Variants in NECTIN3 observed in about 807,000 individuals in gnomAD.
The protein encoded by NECTIN3 is nectin-3.
Under a neutral mutation model 49.4 loss-of-function variants are expected in NECTIN3, and 8 were observed. That is an observed-to-expected ratio of 0.16 (90% CI 0.10 to 0.29). The LOEUF (loss-of-function observed/expected upper bound fraction) is 0.29, where lower values mean the gene tolerates loss of function less well. Ranked by LOEUF, NECTIN3 falls within the 10% of genes least tolerant of loss-of-function variation. The probability of loss-of-function intolerance (pLI) is 1.00; values close to 1 mark genes in which losing one functional copy is unlikely to be tolerated. For missense variants in NECTIN3, 581 were observed against 654.6 expected, an observed-to-expected ratio of 0.89 and a Z score of 1.23; for synonymous variants, 277 against 241.1, an observed-to-expected ratio of 1.15 and a Z score of -1.38.
chr3:111,075,989 T>C (rs1316028890), intron 1 of NECTIN3, among the ~76,000 whole-genome samples: 1 of 152,074 alleles, frequency 6.6e-6, no homozygotes, highest in East Asian at 1.9e-4. Flanking sequence ...TAAACAGATA[T>C]TTTTGGAAAG....
chr3:111,193,552 A>G, intron 1 of NECTIN3: 1 of 719,056 alleles, frequency 1.4e-6, no homozygotes, highest in Non-Finnish European at 2.2e-6. Context: ...TTCTTCATTA[A>G]GCGTTTCTTA....
intron 1 of NECTIN3, among the ~76,000 whole-genome samples, chr3:111,088,056 G>A (rs1462551094): frequency 6.6e-6 from 1 of 152,062 alleles, no homozygotes; most frequent in Admixed American, 6.6e-5. Context: ...ATTCTGCCAA[G>A]CCTCATGTTG....
At chr3:111,111,905 GTGT>G in intron 1 of NECTIN3, 122 bp from the exon 2 acceptor site, 3 of 10,018 alleles carry the variant, frequency 3.0e-4, no homozygotes, top group Non-Finnish European at 1.3e-3. Flanking sequence ...GTGCATGTGT[GTGT>G]GTGTGTGTGT....
At chr3:111,072,760 A>C in intron 1 of NECTIN3, 2 of 573,990 alleles carry the variant, frequency 3.5e-6, no homozygotes, top group Non-Finnish European at 3.0e-6. Flanking sequence ...CTCTAGATTG[A>C]CCCTCGTCCC....
intron 5 of NECTIN3, among the ~76,000 whole-genome samples, chr3:111,127,478 T>C (rs1214001020): frequency 2.6e-5 from 4 of 151,562 alleles, no homozygotes; most frequent in African/African-American, 9.7e-5. Flanking sequence ...TTTTTTTTTT[T>C]TTTTTTGCAT....
At chr3:111,150,018 A>G (rs1319817661) in intron 7 of NECTIN3, among the ~76,000 whole-genome samples, 1 of 152,046 alleles carries the variant, frequency 6.6e-6, no homozygotes. Context: ...TTTTAGGAAA[A>G]CATATATAGT....
chr3:111,074,513 G>A (rs1032072849), intron 1 of NECTIN3, among the ~76,000 whole-genome samples: 1 of 151,992 alleles, frequency 6.6e-6, no homozygotes, highest in Admixed American at 6.6e-5. Context: ...GATATATAGC[G>A]TGGCCTTAAC....
chr3:111,122,658 G>A (rs1418421398), intron 4 of NECTIN3, among the ~76,000 whole-genome samples: 1 of 152,062 alleles, frequency 6.6e-6, no homozygotes, highest in African/African-American at 2.4e-5. Context: ...TGCTTCTCTA[G>A]GACAGGTAAA....
At chr3:111,114,660 G>C (rs2033612993) in intron 2 of NECTIN3, among the ~76,000 whole-genome samples, 1 of 152,082 alleles carries the variant, frequency 6.6e-6, no homozygotes, top group South Asian at 2.1e-4. Context: ...AGTAGGTTTT[G>C]GGCAGGCAAA....
At chr3:111,158,196 G>A (rs2035136987) in intron 7 of NECTIN3, among the ~76,000 whole-genome samples, 1 of 152,036 alleles carries the variant, frequency 6.6e-6, no homozygotes, top group Non-Finnish European at 1.5e-5. Flanking sequence ...TATCTTTACA[G>A]TAGCTTTAAC....
rs1229649698 is a variant in NECTIN3, at chr3:111,147,543, C to T, written c.1221+59C>T. ...AGATACAATTTAAAAAATACTAAGC[C>T]ATTTGTATTATTTCTTTCAAAATGT... On this transcript the variant is annotated intron_variant, in intron 7 of 8. Transcript: ENST00000493615. 3.8e-6 allele frequency: 5 copies of T among 1,317,626 alleles called. No homozygotes were observed. In the Admixed American group the frequency reaches 8.7e-5, roughly 23 times the overall value. 81.6% of individuals were successfully genotyped at this position (1,317,626 alleles called of 1,614,324 possible).
chr3:111,127,734 T>G (rs2034223893), intron 5 of NECTIN3, among the ~76,000 whole-genome samples: 1 of 151,944 alleles, frequency 6.6e-6, no homozygotes. Context: ...CAGCTAATTT[T>G]TGTATTTTTT....
chr3:111,160,884 G>GTA (rs2035199833), intron 7 of NECTIN3, among the ~76,000 whole-genome samples: 1 of 152,172 alleles, frequency 6.6e-6, no homozygotes, highest in African/African-American at 2.4e-5. Context: ...GTGGGCAGCT[G>GTA]TAGTCCCAGC....
chr3:111,174,524 T>A (rs766541535), intron 7 of NECTIN3, among the ~76,000 whole-genome samples: 1 of 152,086 alleles, frequency 6.6e-6, no homozygotes, highest in African/African-American at 2.4e-5. Context: ...CCAAAACACA[T>A]CTGGTCCTAA....
chr3:111,096,652 A>C (rs991500720), intron 1 of NECTIN3, among the ~76,000 whole-genome samples: 5 of 152,198 alleles, frequency 3.3e-5, no homozygotes, highest in East Asian at 1.9e-4. Flanking sequence ...GACTTAGTAT[A>C]CTGCGTCCCA....
At chr3:111,081,124 T>C (rs2031575183) in intron 1 of NECTIN3, among the ~76,000 whole-genome samples, 1 of 151,942 alleles carries the variant, frequency 6.6e-6, no homozygotes, top group African/African-American at 2.4e-5. Flanking sequence ...AATAAATAAA[T>C]AAATAAATAA....
intron 7 of NECTIN3, among the ~76,000 whole-genome samples, chr3:111,152,166 T>G (rs763524296): frequency 6.6e-5 from 10 of 151,870 alleles, no homozygotes; most frequent in Non-Finnish European, 1.0e-4. Flanking sequence ...TCAAAAGATT[T>G]TAATAAACCA....
chr3:111,163,757 T>A (rs2035265341), intron 7 of NECTIN3, among the ~76,000 whole-genome samples: 1 of 152,184 alleles, frequency 6.6e-6, no homozygotes, highest in African/African-American at 2.4e-5. Flanking sequence ...TATAGGTGGT[T>A]AATACATTAA....
intron 6 of NECTIN3, among the ~76,000 whole-genome samples, chr3:111,146,332 G>A (rs1383346443): frequency 6.6e-6 from 1 of 150,908 alleles, no homozygotes; most frequent in Non-Finnish European, 1.5e-5. Context: ...TACTTGGGAG[G>A]CTGAGGCAGG....
Sources: gnomAD v4.1 joint callset for allele counts (sites outside exome capture counted in the v4.1 genomes callset) on GRCh38, gnomAD v4.1.1 for gene constraint, MANE v1.5 for transcripts, NCBI Gene and HGNC (gene_info 2026-07-23, HGNC 2026-07-21) for gene names.